Variants in PARL observed in about 807,000 individuals in gnomAD.
PARL encodes the protein presenilin-associated rhomboid-like protein, mitochondrial.
A neutral mutation model predicts 51.6 loss-of-function variants in PARL; 44 were observed. The ratio of observed to expected loss-of-function variants is 0.85; its 90% CI spans 0.67 to 1.10. The LOEUF is 1.10. Ranked by LOEUF, PARL falls within the 50% of genes least tolerant of loss-of-function variation. The pLI, the probability that PARL is intolerant of heterozygous loss-of-function variation, is 0.00. For synonymous variants in PARL, 172 were observed against 164.0 expected (o/e 1.05, Z -0.37); for missense variants, 441 against 469.5 (o/e 0.94, Z 0.56).
chr3:183,876,610 T>TAAAAAAAAAAAAAAAAAAAAA (rs576376716), intron 1 of PARL, among the ~76,000 whole-genome samples: 22 of 91,804 alleles, frequency 2.4e-4, no homozygotes, highest in East Asian at 3.4e-4. Context: ...ATACATTTTG[T>TAAAAAAAAAAAAAAAAAAAAA]AAAAAAAAAA....
At chr3:183,843,387 T>G (rs913262154) in intron 5 of PARL, 15 of 611,808 alleles carry the variant, frequency 2.5e-5, no homozygotes, top group Non-Finnish European at 3.1e-5. Flanking sequence ...CATGGTGGCA[T>G]GCACCTGTAG....
chr3:183,867,482 T>C (rs577965654), intron 2 of PARL, among the ~76,000 whole-genome samples: 10 of 152,016 alleles, frequency 6.6e-5, no homozygotes, highest in African/African-American at 1.9e-4. Context: ...GGGCGGATCA[T>C]GAGGTCAGGA....
At chr3:183,845,853 G>A (rs1400879008) in intron 4 of PARL, among the ~76,000 whole-genome samples, 1 of 152,176 alleles carries the variant, frequency 6.6e-6, no homozygotes, top group African/African-American at 2.4e-5. Context: ...GGTCTAGGTT[G>A]TCATACCCAG....
At chr3:183,864,603 C>T (rs539383795) in intron 3 of PARL, among the ~76,000 whole-genome samples, 18 of 151,926 alleles carry the variant, frequency 1.2e-4, no homozygotes, top group South Asian at 4.2e-4. Flanking sequence ...GGTGAAACCC[C>T]GTCTCTACCA....
chr3:183,878,840 G>A (rs1414854025), intron 1 of PARL, among the ~76,000 whole-genome samples: 1 of 152,150 alleles, frequency 6.6e-6, no homozygotes, highest in African/African-American at 2.4e-5. Flanking sequence ...ACTAAGAATG[G>A]TTTTCACACG....
intron 4 of PARL, among the ~76,000 whole-genome samples, chr3:183,845,735 T>C (rs1480598959): frequency 2.0e-5 from 3 of 151,962 alleles, no homozygotes; most frequent in Non-Finnish European, 4.4e-5. Context: ...GGGACTGGAG[T>C]CTTGGGAGGT....
intron 6 of PARL, 131 bp downstream of exon 6, chr3:183,842,167 C>T (rs1560383399): frequency 3.2e-6 from 3 of 943,230 alleles, no homozygotes; most frequent in East Asian, 4.8e-5. Context: ...TCTCTACATA[C>T]ACTGTGAGAA....
At chr3:183,835,335 C>T (rs1368088516) in intron 7 of PARL, among the ~76,000 whole-genome samples, 1 of 152,080 alleles carries the variant, frequency 6.6e-6, no homozygotes, top group African/African-American at 2.4e-5. Flanking sequence ...CTTCAGAATA[C>T]AAGATTATCT....
intron 1 of PARL, 89 bp from the exon 2 acceptor site, chr3:183,868,149 A>ATCTCAATTTAT: frequency 1.1e-6 from 1 of 905,296 alleles, no homozygotes; most frequent in South Asian, 1.3e-5. Context: ...CATCATCACC[A>ATCTCAATTTAT]TCTCAATTTA....
intron 1 of PARL, among the ~76,000 whole-genome samples, chr3:183,871,452 A>T (rs1463142281): frequency 1.3e-5 from 2 of 151,142 alleles, no homozygotes; most frequent in Non-Finnish European, 2.9e-5. Context: ...AAAAACTGAA[A>T]CTTAAATTTC....
At chr3:183,876,641 AAAAGAAAAAGAAAGAAAGAAAG>A (rs1560433974) in intron 1 of PARL, among the ~76,000 whole-genome samples, 3 of 113,140 alleles carry the variant, frequency 2.7e-5, no homozygotes, top group African/African-American at 3.8e-5. Context: ...AAAAAAAAGA[AAAAGAAAAAGAAAGAAAGAAAG>A]AAAGAAAAAG....
At chr3:183,876,123 T>C (rs550914542) in intron 1 of PARL, among the ~76,000 whole-genome samples, 1 of 152,328 alleles carries the variant, frequency 6.6e-6, no homozygotes, top group East Asian at 1.9e-4. Context: ...CTCAGCTCAC[T>C]ACAACCTCCG....
chr3:183,831,013 G>A (rs1727873968), intron 9 of PARL, among the ~76,000 whole-genome samples: 1 of 152,192 alleles, frequency 6.6e-6, no homozygotes, highest in South Asian at 2.1e-4. Context: ...GTCGCGCTCT[G>A]TTGCCCAGGC....
chr3:183,830,285 G>A (rs1033298755), intron 9 of PARL, among the ~76,000 whole-genome samples: 1 of 152,270 alleles, frequency 6.6e-6, no homozygotes, highest in African/African-American at 2.4e-5. Flanking sequence ...ACGAGCCTGG[G>A]AGGCTGACGC....
chr3:183,878,905 G>C (rs897032817), intron 1 of PARL, among the ~76,000 whole-genome samples: 5 of 152,070 alleles, frequency 3.3e-5, no homozygotes, highest in African/African-American at 1.2e-4. Flanking sequence ...GACCACATGC[G>C]GCCATATTTT....
chr3:183,832,426 A>G (rs1728053721), intron 9 of PARL, among the ~76,000 whole-genome samples: 1 of 152,038 alleles, frequency 6.6e-6, no homozygotes, highest in Non-Finnish European at 1.5e-5. Flanking sequence ...TCACTGTGTT[A>G]GCCAGGATGG....
At chr3:183,833,328 C>T (rs1241545116) in intron 9 of PARL, among the ~76,000 whole-genome samples, 164 bp downstream of exon 9, 1 of 152,164 alleles carries the variant, frequency 6.6e-6, no homozygotes, top group African/African-American at 2.4e-5. Flanking sequence ...AAACCCAAAG[C>T]AAGCCACGTT....
chr3:183,835,743 T>C (rs1728496784), intron 7 of PARL, among the ~76,000 whole-genome samples: 1 of 151,912 alleles, frequency 6.6e-6, no homozygotes, highest in South Asian at 2.1e-4. Context: ...GGTGGGCGCC[T>C]GTAGTCCCAG....
chr3:183,879,422 T>C (rs1734190637), intron 1 of PARL, among the ~76,000 whole-genome samples: 1 of 152,160 alleles, frequency 6.6e-6, no homozygotes, highest in African/African-American at 2.4e-5. Flanking sequence ...CTGGCAGCCA[T>C]CTTATAACCA....
Sources: allele counts gnomAD v4.1 joint callset (sites outside exome capture counted in the v4.1 genomes callset), GRCh38; gene constraint gnomAD v4.1.1; transcripts MANE v1.5; gene names NCBI Gene and HGNC (gene_info 2026-07-23, HGNC 2026-07-21).